Variants in TOX observed in about 807,000 individuals in gnomAD.
The protein encoded by TOX is thymocyte selection-associated high mobility group box protein TOX.
A neutral mutation model predicts 53.7 loss-of-function variants in TOX; 11 were observed. The observed-to-expected ratio is 0.20, with a 90% CI of 0.13 to 0.34. The LOEUF is 0.34. Ranked by LOEUF, TOX falls within the 10% of genes least tolerant of loss-of-function variation. TOX has a pLI of 1.00. For synonymous variants in TOX, 225 were observed against 245.3 expected (o/e 0.92, Z 0.77); for missense variants, 570 against 664.6 (o/e 0.86, Z 1.56).
chr8:58,971,557 G>A (rs1813003380), intron 1 of TOX, among the ~76,000 whole-genome samples: 1 of 152,172 alleles, frequency 6.6e-6, no homozygotes, highest in Non-Finnish European at 1.5e-5. Context: ...CTCATGGCAA[G>A]TTTATTTGAC....
intron 1 of TOX, among the ~76,000 whole-genome samples, chr8:59,096,244 C>T (rs187754981): frequency 1.1e-3 from 170 of 152,320 alleles, no homozygotes; most frequent in African/African-American, 3.9e-3. Flanking sequence ...TTTTCCAACA[C>T]CCATTAACAC....
Position 58,807,592 on chromosome 8 carries a change from C to A in TOX, c.*155G>T. 1 of 688,028 alleles carries A rather than the reference C, an allele frequency of 1.5e-6. No homozygotes were observed. Among genetic ancestry groups the A allele is most frequent in the East Asian group, 2.7e-5 (1 of 36,824 alleles). 42.6% of individuals were successfully genotyped at this position (688,028 alleles called of 1,614,324 possible). ...AAATAATAAAGAAGCATGACTATTT[C>A]TTCCAGAGTGGGTGACCCACAAGCT... On this transcript the variant is annotated 3_prime_UTR_variant, in exon 9 of 9. Coordinates refer to ENST00000361421, the MANE Select transcript of TOX (RefSeq NM_014729.3).
chr8:58,957,067 A>AC (rs1379420608), intron 2 of TOX, among the ~76,000 whole-genome samples: 13 of 152,180 alleles, frequency 8.5e-5, no homozygotes, highest in Non-Finnish European at 1.8e-4. Context: ...TGGGTTTCTG[A>AC]CCAGCTGCTC....
At chr8:59,066,029 C>A (rs988310917) in intron 1 of TOX, among the ~76,000 whole-genome samples, 2 of 152,100 alleles carry the variant, frequency 1.3e-5, no homozygotes, top group African/African-American at 2.4e-5. Flanking sequence ...AAATGATCAA[C>A]CTCAGTTATG....
intron 1 of TOX, among the ~76,000 whole-genome samples, chr8:59,082,107 T>C (rs183086455): frequency 2.6e-4 from 40 of 152,260 alleles, no homozygotes; most frequent in African/African-American, 8.9e-4. Context: ...TAATGCCATT[T>C]GGGTAGATCC....
intron 1 of TOX, among the ~76,000 whole-genome samples, chr8:59,016,827 C>T (rs187460700): frequency 6.6e-6 from 1 of 152,312 alleles, no homozygotes; most frequent in African/African-American, 2.4e-5. Flanking sequence ...TGATTCCATT[C>T]CATTTGCTTT....
At chr8:59,107,418 T>A (rs893621728) in intron 1 of TOX, among the ~76,000 whole-genome samples, 1 of 152,140 alleles carries the variant, frequency 6.6e-6, no homozygotes, top group Non-Finnish European at 1.5e-5. Flanking sequence ...CCCAGTAAAA[T>A]TGAATACAGG....
At chr8:58,975,266 C>CA (rs1813074632) in intron 1 of TOX, among the ~76,000 whole-genome samples, 1 of 124,760 alleles carries the variant, frequency 8.0e-6, no homozygotes, top group Non-Finnish European at 1.7e-5. Context: ...ACACACACCC[C>CA]CACACAGAGA....
chr8:59,063,706 C>T (rs1246438124), intron 1 of TOX, among the ~76,000 whole-genome samples: 1 of 152,086 alleles, frequency 6.6e-6, no homozygotes, highest in African/African-American at 2.4e-5. Context: ...ACACCCTAAG[C>T]CACTGCGCCC....
chr8:59,075,187 T>A (rs1804270107), intron 1 of TOX, among the ~76,000 whole-genome samples: 1 of 152,132 alleles, frequency 6.6e-6, no homozygotes, highest in Non-Finnish European at 1.5e-5. Flanking sequence ...AGGGAGACAG[T>A]GGATAAATTT....
chr8:58,868,007 G>C (rs965325791), intron 3 of TOX, among the ~76,000 whole-genome samples: 2 of 152,102 alleles, frequency 1.3e-5, no homozygotes, highest in African/African-American at 4.8e-5. Context: ...ATGTTGAATT[G>C]TAGCTCCCAT....
At chr8:58,963,984 C>T (rs529502373) in intron 1 of TOX, among the ~76,000 whole-genome samples, 11 of 152,070 alleles carry the variant, frequency 7.2e-5, no homozygotes, top group Non-Finnish European at 1.0e-4. Context: ...TTTCAGCTTT[C>T]GGAGAATGGT....
At chr8:59,098,742 C>A (rs1804755729) in intron 1 of TOX, among the ~76,000 whole-genome samples, 1 of 152,148 alleles carries the variant, frequency 6.6e-6, no homozygotes, top group African/African-American at 2.4e-5. Flanking sequence ...TGGATTCTTC[C>A]CAGCTCTCTG....
intron 1 of TOX, among the ~76,000 whole-genome samples, chr8:58,973,486 T>C (rs1369619035): frequency 6.6e-6 from 1 of 152,238 alleles, no homozygotes; most frequent in Non-Finnish European, 1.5e-5. Flanking sequence ...ACGCATCTGC[T>C]ATTTTCTCCA....
intron 2 of TOX, among the ~76,000 whole-genome samples, chr8:58,948,225 C>A (rs138131262): frequency 9.9e-5 from 15 of 152,202 alleles, no homozygotes; most frequent in African/African-American, 3.4e-4. Context: ...GGGCTAAGCA[C>A]CTGAAGCAGA....
chr8:59,065,242 C>A (rs934604600), intron 1 of TOX, among the ~76,000 whole-genome samples: 3 of 152,070 alleles, frequency 2.0e-5, no homozygotes, highest in East Asian at 1.9e-4. Context: ...AACAAAAAAA[C>A]CATTTCTCCC....
chr8:58,847,244 C>G (rs1352080013), intron 4 of TOX, among the ~76,000 whole-genome samples: 1 of 152,036 alleles, frequency 6.6e-6, no homozygotes, highest in South Asian at 2.1e-4. Flanking sequence ...CTTCAAAATA[C>G]TTCATGTATT....
At chr8:59,057,565 G>C (rs766616827) in intron 1 of TOX, among the ~76,000 whole-genome samples, 1 of 152,152 alleles carries the variant, frequency 6.6e-6, no homozygotes, top group Admixed American at 6.5e-5. Context: ...TGTCACTCCA[G>C]ATTTCATGCT....
chr8:59,095,528 T>A (rs573963118), intron 1 of TOX, among the ~76,000 whole-genome samples: 138 of 152,278 alleles, frequency 9.1e-4, no homozygotes, highest in African/African-American at 3.3e-3. Flanking sequence ...TGTCTCAGCC[T>A]CCCAAGTAGC....
Sources: allele counts gnomAD v4.1 joint callset (sites outside exome capture counted in the v4.1 genomes callset), GRCh38; gene constraint gnomAD v4.1.1; transcripts MANE v1.5; gene names NCBI Gene and HGNC (gene_info 2026-07-23, HGNC 2026-07-21).